Variants in PTPRO observed in about 807,000 individuals in gnomAD.
PTPRO encodes protein tyrosine phosphatase receptor type O, also known as receptor-type tyrosine-protein phosphatase O.
PTPRO carries 62 observed loss-of-function variants against 145.2 expected under a neutral mutation model. The observed-to-expected ratio is 0.43, with a 90% CI of 0.35 to 0.53. The LOEUF (loss-of-function observed/expected upper bound fraction) is 0.53. Ranked by LOEUF, PTPRO falls within the 20% of genes least tolerant of loss-of-function variation. The probability of loss-of-function intolerance (pLI) is 0.01; values close to 1 mark genes in which losing one functional copy is unlikely to be tolerated. For synonymous variants in PTPRO, 565 were observed against 514.7 expected (o/e 1.10, Z -1.32); for missense variants, 1,345 against 1,482.7 (o/e 0.91, Z 1.53).
chr12:15,424,847 G>A (rs527321508), intron 1 of PTPRO, among the ~76,000 whole-genome samples: 3 of 152,100 alleles, frequency 2.0e-5, no homozygotes, highest in Non-Finnish European at 4.4e-5. Flanking sequence ...TGAAAATGGT[G>A]AAAGTTAGTT....
chr12:15,361,428 G>A lies in PTPRO; in HGVS notation c.75+38627G>A, dbSNP rs1392657885. Among the ~76,000 whole-genome samples the A allele has an allele frequency of 5.0e-4, 60 of 120,576 alleles. 1 individual carries two copies. The East Asian group carries it at 0.013, about 27-fold the overall frequency. 79.1% of individuals were successfully genotyped at this position (120,576 alleles called of 152,430 possible). On this transcript the variant is annotated intron_variant, in intron 1 of 26. Transcript: ENST00000281171. Reference sequence around the variant, plus strand: ...CACTCCAGCCTGGGCGACAGAGTGAGACTCAGTCTCAAAAAAAAAAAAAAA... The same window carrying A: ...CACTCCAGCCTGGGCGACAGAGTGAAACTCAGTCTCAAAAAAAAAAAAAAA...
chr12:15,490,879 G>A (rs1210939355), intron 2 of PTPRO, among the ~76,000 whole-genome samples: 2 of 152,152 alleles, frequency 1.3e-5, no homozygotes, highest in Admixed American at 6.5e-5. Context: ...AGAATATCAA[G>A]TACCGTACAG....
chr12:15,338,629 G>A (rs1412607982), intron 1 of PTPRO, among the ~76,000 whole-genome samples: 1 of 151,968 alleles, frequency 6.6e-6, no homozygotes, highest in African/African-American at 2.4e-5. Flanking sequence ...CAGAGAATCA[G>A]ATAAAAAAGG....
At chr12:15,353,079 T>C (rs910635808) in intron 1 of PTPRO, among the ~76,000 whole-genome samples, 3 of 152,184 alleles carry the variant, frequency 2.0e-5, no homozygotes, top group Non-Finnish European at 2.9e-5. Context: ...AGTGAGTGTT[T>C]CCTCACATGT....
intron 6 of PTPRO, among the ~76,000 whole-genome samples, chr12:15,506,792 C>T (rs1288199023): frequency 2.6e-5 from 4 of 152,122 alleles, no homozygotes; most frequent in African/African-American, 9.7e-5. Context: ...CAAAATAAAG[C>T]AGTGGGTCTC....
rs77513088 is a variant in PTPRO at position 15,521,106 on chromosome 12, A to G, written c.1891+794A>G. Among the ~76,000 whole-genome samples the G allele has an allele frequency of 1.4e-3, 207 of 152,286 alleles. 2 individuals carry two copies. The East Asian group carries it at 0.038, about 28-fold the overall frequency. ...AGACGTTTCAAGAACCTTTTATCGA[A>G]CGACAAGGTTGTAATTAGAGTTGTC... On this transcript the variant is annotated intron_variant, in intron 10 of 26. Coordinates refer to ENST00000281171, the MANE Select transcript of PTPRO (RefSeq NM_030667.3).
intron 1 of PTPRO, among the ~76,000 whole-genome samples, chr12:15,425,341 A>G (rs1940255860): frequency 6.6e-6 from 1 of 152,130 alleles, no homozygotes; most frequent in Non-Finnish European, 1.5e-5. Context: ...TAACATGCCT[A>G]TGTTACAGGT....
chr12:15,353,945 C>G (rs1274610292), intron 1 of PTPRO, among the ~76,000 whole-genome samples: 1 of 152,274 alleles, frequency 6.6e-6, no homozygotes, highest in Non-Finnish European at 1.5e-5. Context: ...AAAAGCTATG[C>G]TCTTGTCTGC....
intron 19 of PTPRO, among the ~76,000 whole-genome samples, chr12:15,572,114 T>C (rs1301692620): frequency 6.6e-6 from 1 of 152,224 alleles, no homozygotes; most frequent in Non-Finnish European, 1.5e-5. Flanking sequence ...AATATGTTTT[T>C]TTCTTAACCA....
chr12:15,489,431 G>T (rs144911728), intron 2 of PTPRO, among the ~76,000 whole-genome samples: 2,905 of 152,312 alleles, frequency 0.019, 51 homozygotes, highest in Non-Finnish European at 0.028. Flanking sequence ...TAACAAGGGG[G>T]TGGATTATTC....
intron 14 of PTPRO, among the ~76,000 whole-genome samples, chr12:15,551,155 C>T (rs765318089): frequency 2.0e-5 from 3 of 151,986 alleles, no homozygotes; most frequent in South Asian, 4.1e-4. Flanking sequence ...AAATCATGGG[C>T]GTAAAATAAG....
chr12:15,584,371 T>C (rs1565446355), intron 23 of PTPRO, among the ~76,000 whole-genome samples: 1 of 152,218 alleles, frequency 6.6e-6, no homozygotes. Flanking sequence ...CCAAATACAG[T>C]ACAAATCTGT....
At chr12:15,519,843 A>G (rs1051242293) in intron 9 of PTPRO, among the ~76,000 whole-genome samples, 1 of 152,200 alleles carries the variant, frequency 6.6e-6, no homozygotes, top group Non-Finnish European at 1.5e-5. Flanking sequence ...ACACTGAAAA[A>G]ACACTGAGTT....
Position 15,590,407 on chromosome 12 carries a change from C to CT in PTPRO, c.3546+822dup, listed in dbSNP as rs979668447. 1.5e-4 allele frequency among the ~76,000 whole-genome samples: 23 copies of CT among 152,260 alleles called. No homozygotes were observed. In the Middle Eastern group the frequency reaches 0.014, roughly 90 times the overall value. ...TCTTAGCTTCGGTCTTACAATAATC[C>CT]TTTTTCTCAAAGAGTATGTGTGGGT... On this transcript the variant is annotated intron_variant, in intron 25 of 26. Coordinates refer to ENST00000281171, the MANE Select transcript of PTPRO (RefSeq NM_030667.3).
intron 1 of PTPRO, among the ~76,000 whole-genome samples, chr12:15,454,509 A>G (rs958622513): frequency 1.3e-5 from 2 of 152,222 alleles, no homozygotes; most frequent in African/African-American, 2.4e-5. Flanking sequence ...CTCTTCCATT[A>G]CATAGATCGT....
chr12:15,466,229 T>A (rs574433460), intron 1 of PTPRO, among the ~76,000 whole-genome samples: 1 of 152,324 alleles, frequency 6.6e-6, no homozygotes, highest in African/African-American at 2.4e-5. Flanking sequence ...AATCCTGTTA[T>A]GCTTCATAAT....
intron 1 of PTPRO, among the ~76,000 whole-genome samples, chr12:15,332,043 G>GCAACCTCTGC (rs1591707802): frequency 7.1e-6 from 1 of 140,668 alleles, no homozygotes; most frequent in East Asian, 2.1e-4. Flanking sequence ...TAGGCTCACT[G>GCAACCTCTGC]CAACCTCTGC....
intron 23 of PTPRO, among the ~76,000 whole-genome samples, chr12:15,583,156 G>A (rs1944356308): frequency 6.6e-6 from 1 of 152,142 alleles, no homozygotes; most frequent in Non-Finnish European, 1.5e-5. Context: ...TAAAGCCCAT[G>A]AGCTAAGAAT....
chr12:15,541,995 A>G (rs1943189763), intron 12 of PTPRO, among the ~76,000 whole-genome samples: 1 of 152,012 alleles, frequency 6.6e-6, no homozygotes, highest in African/African-American at 2.4e-5. Context: ...TGGGTGACAG[A>G]GCAAGACTCC....
Sources: gnomAD v4.1 joint callset for allele counts (sites outside exome capture counted in the v4.1 genomes callset) on GRCh38, gnomAD v4.1.1 for gene constraint, MANE v1.5 for transcripts, NCBI Gene and HGNC (gene_info 2026-07-23, HGNC 2026-07-21) for gene names.